AGBL4: variants seen among roughly 807,000 people sequenced by gnomAD.
The protein encoded by AGBL4 is cytosolic carboxypeptidase 6.
A neutral mutation model predicts 66.4 loss-of-function variants in AGBL4; 58 were observed. The ratio of observed to expected loss-of-function variants is 0.87; its 90% CI spans 0.71 to 1.09. The LOEUF is 1.09. Ranked by LOEUF, AGBL4 falls within the 50% of genes least tolerant of loss-of-function variation. The pLI is 0.00. For synonymous variants in AGBL4, 234 were observed against 222.9 expected (o/e 1.05, Z -0.44); for missense variants, 579 against 631.0 (o/e 0.92, Z 0.88).
At chr1:48,889,900 G>A (rs1650760352) in intron 5 of AGBL4, among the ~76,000 whole-genome samples, 1 of 152,056 alleles carries the variant, frequency 6.6e-6, no homozygotes, top group Non-Finnish European at 1.5e-5. Flanking sequence ...CGGGGAGGAT[G>A]GCAGAGAACT....
chr1:50,018,417 T>C (rs1662155616), intron 1 of AGBL4, among the ~76,000 whole-genome samples: 1 of 152,122 alleles, frequency 6.6e-6, no homozygotes, highest in Non-Finnish European at 1.5e-5. Flanking sequence ...CTTTTAAACT[T>C]GCAATAATTT....
intron 8 of AGBL4, among the ~76,000 whole-genome samples, chr1:48,638,150 A>G (rs139821436): frequency 8.5e-5 from 13 of 152,296 alleles, no homozygotes; most frequent in Non-Finnish European, 1.8e-4. Context: ...CAGTTAGCTT[A>G]TCTCATTCTT....
At chr1:49,124,529 A>C (rs1645727262) in intron 4 of AGBL4, among the ~76,000 whole-genome samples, 1 of 152,238 alleles carries the variant, frequency 6.6e-6, no homozygotes, top group Non-Finnish European at 1.5e-5. Context: ...TTACAAGGGC[A>C]GCAGGCTGAT....
chr1:49,697,491 T>C, intron 2 of AGBL4, 54 bp from the exon 3 acceptor site: 1 of 1,354,196 alleles, frequency 7.4e-7, no homozygotes, highest in Non-Finnish European at 1.0e-6. Context: ...TGCAGCTCAA[T>C]GGTACACACA....
intron 6 of AGBL4, 63 bp downstream of exon 6, chr1:48,867,128 G>A: frequency 3.2e-6 from 5 of 1,556,022 alleles, no homozygotes; most frequent in Non-Finnish European, 4.4e-6. Flanking sequence ...CATTTGGATA[G>A]GCAACAAGGC....
intron 2 of AGBL4, among the ~76,000 whole-genome samples, chr1:49,839,751 GA>G (rs1645942567): frequency 6.6e-6 from 1 of 152,126 alleles, no homozygotes; most frequent in Non-Finnish European, 1.5e-5. Flanking sequence ...ACAGTTGTGA[GA>G]TATTATCCTC....
intron 6 of AGBL4, among the ~76,000 whole-genome samples, chr1:48,866,640 G>A (rs1186070559): frequency 2.6e-5 from 4 of 152,190 alleles, no homozygotes; most frequent in Non-Finnish European, 5.9e-5. Context: ...TAGGCCAGAT[G>A]TCAGCTATAG....
At chr1:48,557,388 G>A (rs1209721903) in intron 11 of AGBL4, among the ~76,000 whole-genome samples, 3 of 152,160 alleles carry the variant, frequency 2.0e-5, no homozygotes, top group Non-Finnish European at 4.4e-5. Flanking sequence ...AGGAGCAGGG[G>A]TGGGTATGGA....
chr1:48,908,422 T>A lies in AGBL4; in HGVS notation c.595-41192A>T, dbSNP rs72893784. Among the ~76,000 whole-genome samples the A allele has an allele frequency of 1.8e-3, 279 of 152,344 alleles. 4 individuals carry two copies. The highest frequency in any genetic ancestry group is 6.5e-3 in the African/African-American group (271 of 41,586). ...TCTAATTTTATAGGCAAGTTGTGAA[T>A]CTCTGTGAAAATAAAGTAAATTCCC... is the stretch of plus-strand genomic sequence containing the variant. On this transcript the variant is annotated intron_variant, in intron 5 of 13. Coordinates refer to ENST00000371839, the MANE Select transcript of AGBL4 (RefSeq NM_032785.4).
chr1:49,584,402 T>C (rs1644607242), intron 3 of AGBL4, among the ~76,000 whole-genome samples: 2 of 152,194 alleles, frequency 1.3e-5, no homozygotes, highest in Admixed American at 1.3e-4. Flanking sequence ...TTTCTTACAG[T>C]ATCCTTCCAT....
chr1:48,742,997 T>A (rs558795689), intron 6 of AGBL4, among the ~76,000 whole-genome samples: 1 of 152,264 alleles, frequency 6.6e-6, no homozygotes, highest in East Asian at 1.9e-4. Context: ...CTAATCAAGT[T>A]TGAATGAAGA....
chr1:48,765,134 T>C (rs1644468879), intron 6 of AGBL4, among the ~76,000 whole-genome samples: 1 of 152,358 alleles, frequency 6.6e-6, no homozygotes, highest in African/African-American at 2.4e-5. Flanking sequence ...CCTACCTTCT[T>C]TGTAGTCTAT....
At chr1:48,900,861 C>T (rs1334046072) in intron 5 of AGBL4, among the ~76,000 whole-genome samples, 1 of 151,956 alleles carries the variant, frequency 6.6e-6, no homozygotes, top group African/African-American at 2.4e-5. Context: ...AAGCATGATC[C>T]ATAAAAGAGC....
At chr1:49,454,099 G>A (rs1341933027) in intron 3 of AGBL4, among the ~76,000 whole-genome samples, 1 of 151,806 alleles carries the variant, frequency 6.6e-6, no homozygotes. Context: ...TGCTGGAGAT[G>A]TGAAATTCAG....
chr1:49,930,973 C>T (rs1457645918), intron 1 of AGBL4, among the ~76,000 whole-genome samples: 1 of 152,058 alleles, frequency 6.6e-6, no homozygotes, highest in Non-Finnish European at 1.5e-5. Flanking sequence ...TGTCTTTATT[C>T]ACAGATGACA....
chr1:50,019,737 C>T (rs1396070113), intron 1 of AGBL4, among the ~76,000 whole-genome samples: 1 of 151,812 alleles, frequency 6.6e-6, no homozygotes, highest in Non-Finnish European at 1.5e-5. Flanking sequence ...ATTATTTTAC[C>T]GGGTAACTAA....
At chr1:49,737,978 C>T (rs759408667) in intron 2 of AGBL4, among the ~76,000 whole-genome samples, 39 of 152,172 alleles carry the variant, frequency 2.6e-4, no homozygotes, top group Non-Finnish European at 5.4e-4. Flanking sequence ...GGGTGCAGGA[C>T]AGTGGGTGCA....
Position 50,019,112 on chromosome 1 carries a change from C to G in AGBL4, c.34+4651G>C, listed in dbSNP as rs183385935. Reference sequence around the variant, plus strand: ...CCCATTGGGGGTATTATGTAATTGACAGTACATATGCAGTATTGCCTTTCC... The same window carrying G: ...CCCATTGGGGGTATTATGTAATTGAGAGTACATATGCAGTATTGCCTTTCC... On this transcript the variant is annotated intron_variant, in intron 1 of 13. Transcript: ENST00000371839. Among the ~76,000 whole-genome samples the G allele has an allele frequency of 2.3e-3, 357 of 152,116 alleles. 2 individuals are homozygous for G. The highest frequency in any genetic ancestry group is 3.7e-3 in the Admixed American group (57 of 15,270).
intron 2 of AGBL4, among the ~76,000 whole-genome samples, chr1:49,806,448 A>G (rs1644978968): frequency 6.6e-6 from 1 of 152,218 alleles, no homozygotes; most frequent in Non-Finnish European, 1.5e-5. Flanking sequence ...AGTTTTAAGC[A>G]AAGTGTTGAA....
Sources: gnomAD v4.1 joint callset for allele counts (sites outside exome capture counted in the v4.1 genomes callset) on GRCh38, gnomAD v4.1.1 for gene constraint, MANE v1.5 for transcripts, NCBI Gene and HGNC (gene_info 2026-07-23, HGNC 2026-07-21) for gene names.